Variants in NOL10 observed in about 807,000 individuals in gnomAD.
The protein encoded by NOL10 is nucleolar protein 10.
In NOL10, 58 loss-of-function variants were observed where a neutral mutation model predicts 103.5. The observed-to-expected ratio is 0.56, with a 90% CI of 0.45 to 0.70. The LOEUF (loss-of-function observed/expected upper bound fraction) is 0.70, where lower values mean the gene tolerates loss of function less well. NOL10 is among the 30% of genes least tolerant of loss of function. NOL10 has a pLI of 0.00. For missense variants in NOL10, 763 were observed against 807.3 expected (o/e 0.95, Z 0.67); for synonymous variants, 287 against 282.5 (o/e 1.02, Z -0.16).
intron 13 of NOL10, among the ~76,000 whole-genome samples, chr2:10,620,604 T>C (rs1275437215): frequency 6.6e-6 from 1 of 152,156 alleles, no homozygotes; most frequent in Non-Finnish European, 1.5e-5. Context: ...AGGAACTCAA[T>C]CTGAACTCAG....
intron 20 of NOL10, among the ~76,000 whole-genome samples, chr2:10,576,211 G>A (rs957365258): frequency 2.6e-5 from 4 of 152,118 alleles, no homozygotes; most frequent in East Asian, 1.9e-4. Flanking sequence ...AAAGATGACC[G>A]ACAGAGACAG....
intron 13 of NOL10, among the ~76,000 whole-genome samples, chr2:10,617,965 C>T (rs1676918304): frequency 6.6e-6 from 1 of 151,546 alleles, no homozygotes; most frequent in Non-Finnish European, 1.5e-5. Flanking sequence ...CATGGGGTTT[C>T]TGGTTAGTGT....
At chr2:10,602,675 T>C (rs1676042100) in intron 16 of NOL10, 101 bp downstream of exon 16, 4 of 753,682 alleles carry the variant, frequency 5.3e-6, no homozygotes, top group Admixed American at 2.8e-5. Context: ...AAATTAAAGA[T>C]GGAAAATCAA....
At chr2:10,607,750 TTTATTATTA>T (rs373298093) in intron 13 of NOL10, among the ~76,000 whole-genome samples, 4 of 144,744 alleles carry the variant, frequency 2.8e-5, no homozygotes, top group East Asian at 2.0e-4. Context: ...AAAAACAATA[TTTATTATTA>T]TTATTATTAT....
At chr2:10,672,933 C>T (rs1052119757) in intron 5 of NOL10, among the ~76,000 whole-genome samples, 3 of 152,004 alleles carry the variant, frequency 2.0e-5, no homozygotes, top group African/African-American at 7.2e-5. Context: ...GCTGATGCTG[C>T]AATGAGCTGA....
intron 4 of NOL10, among the ~76,000 whole-genome samples, chr2:10,675,047 T>C (rs1906885): frequency 2.8e-3 from 432 of 151,728 alleles, no homozygotes; most frequent in African/African-American, 0.01. Context: ...TACAAAAAAT[T>C]ATAAAATTAG....
intron 12 of NOL10, among the ~76,000 whole-genome samples, chr2:10,653,727 C>G (rs1558325535): frequency 6.6e-6 from 1 of 152,044 alleles, no homozygotes; most frequent in Admixed American, 6.6e-5. Context: ...ATCACCTCAG[C>G]CCCCCAACTC....
intron 13 of NOL10, among the ~76,000 whole-genome samples, chr2:10,638,017 T>C (rs13005359): frequency 0.8 from 122,094 of 152,196 alleles, 49,184 homozygotes; most frequent in Non-Finnish European, 0.82. Flanking sequence ...TGCAGTGACT[T>C]ACACCTGTAA....
chr2:10,585,404 G>C (rs867782721), intron 19 of NOL10, among the ~76,000 whole-genome samples: 45 of 152,168 alleles, frequency 3.0e-4, no homozygotes, highest in African/African-American at 8.7e-4. Context: ...GCTAAACATA[G>C]AGTTACTATA....
chr2:10,653,003 C>A (rs1679579800), intron 12 of NOL10, among the ~76,000 whole-genome samples: 1 of 152,064 alleles, frequency 6.6e-6, no homozygotes, highest in Non-Finnish European at 1.5e-5. Flanking sequence ...TAAGACCAGC[C>A]TGGCCAACAT....
At chr2:10,628,549 T>C (rs933715820) in intron 13 of NOL10, among the ~76,000 whole-genome samples, 4 of 152,186 alleles carry the variant, frequency 2.6e-5, no homozygotes, top group African/African-American at 9.7e-5. Flanking sequence ...TTTAATTTCA[T>C]TGGTTTAATC....
At chr2:10,584,418 G>A (rs2148151959) in intron 19 of NOL10, among the ~76,000 whole-genome samples, 1 of 152,300 alleles carries the variant, frequency 6.6e-6, no homozygotes, top group East Asian at 1.9e-4. Flanking sequence ...AGACACACGT[G>A]TTTATCTAAA....
In NOL10 at chr2:10,659,212, T is replaced by C. The variant is rs770379605; in HGVS notation, c.716A>G (p.Asn239Ser). 5.0e-6 allele frequency: 8 copies of C among 1,605,242 alleles called. No homozygotes were observed. Among genetic ancestry groups the C allele is most frequent in the Non-Finnish European group, 5.1e-6 (6 of 1,175,682 alleles). ...SLPTISALKFNGALTMAVGTT... is the reference protein window; with the variant it reads ...SLPTISALKFSGALTMAVGTT... ...TCCAACTGCCATGGTCAAGGCACCA[T>C]TAAATTTCAAAGCAGAGATTGTTGG... is the stretch of plus-strand genomic sequence containing the variant. The change falls in exon 10 of 21, where the codon AAT becomes AGT. Residue 239 changes from asparagine to serine, a missense_variant. Coordinates refer to ENST00000381685, the MANE Select transcript of NOL10 (RefSeq NM_024894.4).
intron 13 of NOL10, among the ~76,000 whole-genome samples, chr2:10,630,543 T>A (rs541179231): frequency 6.6e-6 from 1 of 152,166 alleles, no homozygotes; most frequent in South Asian, 2.1e-4. Context: ...AAACCCCGTC[T>A]CTACCAAAAA....
intron 13 of NOL10, chr2:10,634,465 A>C: frequency 2.2e-6 from 1 of 456,298 alleles, no homozygotes; most frequent in South Asian, 1.5e-5. Flanking sequence ...AGAAGTTCTG[A>C]TGTAGACACA....
At chr2:10,672,956 G>A (rs1338821036) in intron 5 of NOL10, among the ~76,000 whole-genome samples, 1 of 152,104 alleles carries the variant, frequency 6.6e-6, no homozygotes, top group East Asian at 1.9e-4. Flanking sequence ...TTACGCCACT[G>A]CCCCTCCGGC....
intron 13 of NOL10, among the ~76,000 whole-genome samples, chr2:10,636,869 G>T (rs1033993406): frequency 6.6e-6 from 1 of 152,106 alleles, no homozygotes. Context: ...ACCACAGACA[G>T]AAGTTAAAAT....
chr2:10,637,158 T>C (rs1408163289), intron 13 of NOL10, among the ~76,000 whole-genome samples: 2 of 121,810 alleles, frequency 1.6e-5, no homozygotes, highest in East Asian at 2.5e-4. Context: ...TACTGCACTC[T>C]AATCTGGGCC....
chr2:10,600,030 A>G (rs1025765244), intron 17 of NOL10, among the ~76,000 whole-genome samples: 1 of 152,070 alleles, frequency 6.6e-6, no homozygotes, highest in African/African-American at 2.4e-5. Flanking sequence ...GAACCTCCTG[A>G]GGGCACCACA....
Sources: allele counts gnomAD v4.1 joint callset (sites outside exome capture counted in the v4.1 genomes callset), GRCh38; gene constraint gnomAD v4.1.1; transcripts MANE v1.5; gene names NCBI Gene and HGNC (gene_info 2026-07-23, HGNC 2026-07-21).